PDE10A: variants seen among roughly 807,000 people sequenced by gnomAD.
PDE10A encodes phosphodiesterase 10A.
PDE10A carries 39 observed loss-of-function variants against 97.7 expected under a neutral mutation model. The ratio of observed to expected loss-of-function variants is 0.40; its 90% CI spans 0.31 to 0.52. PDE10A has a LOEUF of 0.52. Among genes scored for constraint, PDE10A ranks in the 20% least tolerant of loss-of-function variants. The pLI is 0.56. For synonymous variants in PDE10A, 371 were observed against 376.8 expected (o/e 0.98, Z 0.18); for missense variants, 731 against 1,047.8 (o/e 0.70, Z 4.17).
chr6:165,699,723 T>G (rs544738275), intron 1 of PDE10A, among the ~76,000 whole-genome samples: 312 of 152,286 alleles, frequency 2.0e-3, no homozygotes, highest in Non-Finnish European at 3.9e-3. Flanking sequence ...ATTAAACACA[T>G]TCTTAAACAA....
At chr6:165,591,520 C>T (rs549051276) in intron 1 of PDE10A, among the ~76,000 whole-genome samples, 27 of 152,224 alleles carry the variant, frequency 1.8e-4, no homozygotes, top group Non-Finnish European at 3.5e-4. Context: ...AAAAGAACCA[C>T]AGCTGTATGG....
At chr6:165,791,219 A>G (rs1289069135) in intron 1 of PDE10A, among the ~76,000 whole-genome samples, 1 of 151,828 alleles carries the variant, frequency 6.6e-6, no homozygotes, top group Admixed American at 6.6e-5. Flanking sequence ...GAAGCGTTGG[A>G]AGGGCAAGGT....
In PDE10A at chr6:165,331,460, A is replaced by C. The variant is rs2128171750; in HGVS notation, c.*1565T>G. Reference sequence around the variant, plus strand: ...CCATGTTGTAGAAGCCTCTGATTTAATTTTGCACAAACCAGGCTCATATGA... The same window carrying C: ...CCATGTTGTAGAAGCCTCTGATTTACTTTTGCACAAACCAGGCTCATATGA... On this transcript the variant is annotated 3_prime_UTR_variant, in exon 22 of 22. Transcript: ENST00000539869. The C allele has an allele frequency of 6.6e-6, 1 of 152,324 alleles. No homozygotes were observed. The highest frequency in any genetic ancestry group is 3.4e-3 in the Middle Eastern group (1 of 294). The allele number at this position is 152,324 out of a possible 1,614,324, so 9.4% of individuals were successfully genotyped here.
At chr6:165,560,961 T>C (rs1403686870) in intron 1 of PDE10A, among the ~76,000 whole-genome samples, 1 of 152,158 alleles carries the variant, frequency 6.6e-6, no homozygotes, top group Non-Finnish European at 1.5e-5. Flanking sequence ...GGCTCATACC[T>C]GTAATCCCAG....
At chr6:165,645,022 G>A (rs930116009) in intron 1 of PDE10A, among the ~76,000 whole-genome samples, 19 of 152,212 alleles carry the variant, frequency 1.2e-4, no homozygotes, top group Non-Finnish European at 1.8e-4. Context: ...AGCCTCTGGC[G>A]CTTGGTACCA....
At chr6:165,392,244 A>G (rs1583183001) in intron 16 of PDE10A, among the ~76,000 whole-genome samples, 1 of 152,324 alleles carries the variant, frequency 6.6e-6, no homozygotes, top group African/African-American at 2.4e-5. Flanking sequence ...CTTATGCTAG[A>G]GGAGGTCAAA....
At chr6:165,680,485 G>C (rs1000993528) in intron 1 of PDE10A, among the ~76,000 whole-genome samples, 1 of 152,200 alleles carries the variant, frequency 6.6e-6, no homozygotes, top group Admixed American at 6.5e-5. Flanking sequence ...ATGGAGTCTT[G>C]TTTATATAAA....
At chr6:165,784,893 C>A (rs1430225032) in intron 1 of PDE10A, among the ~76,000 whole-genome samples, 1 of 152,206 alleles carries the variant, frequency 6.6e-6, no homozygotes, top group Non-Finnish European at 1.5e-5. Context: ...GGGGCTGAGA[C>A]TTTTCAGTAC....
intron 1 of PDE10A, among the ~76,000 whole-genome samples, chr6:165,806,810 C>A (rs1027927247): frequency 1.3e-5 from 2 of 152,138 alleles, no homozygotes; most frequent in African/African-American, 4.8e-5. Context: ...ATCTGGAGAA[C>A]CAGAATCAGC....
chr6:165,856,072 A>T (rs1028766499), intron 1 of PDE10A, among the ~76,000 whole-genome samples: 1 of 152,190 alleles, frequency 6.6e-6, no homozygotes, highest in Non-Finnish European at 1.5e-5. Context: ...AGGCTGGGGC[A>T]TCGAGGAGTC....
chr6:165,824,594 A>C (rs1350717156), intron 1 of PDE10A, among the ~76,000 whole-genome samples: 1 of 152,178 alleles, frequency 6.6e-6, no homozygotes, highest in Non-Finnish European at 1.5e-5. Context: ...TCACCTTGGA[A>C]CAAAGAATGT....
Position 165,505,087 on chromosome 6 carries a change from T to C in PDE10A, c.995-22744A>G, listed in dbSNP as rs112145476. On this transcript the variant is annotated intron_variant, in intron 2 of 21. Transcript: ENST00000539869. ...TCTGGGGCCTAAAAGCTTCTCTTCG[T>C]AGCTCTGCCTAGAGATGATCCCTCG... Among the ~76,000 whole-genome samples the C allele has an allele frequency of 9.3e-3, 1,420 of 152,314 alleles. 27 individuals carry two copies. Among genetic ancestry groups the C allele is most frequent in the African/African-American group, 0.032 (1,329 of 41,564 alleles).
At chr6:165,783,751 A>G (rs9364815) in intron 1 of PDE10A, among the ~76,000 whole-genome samples, 100,289 of 152,068 alleles carry the variant, frequency 0.66, 33,204 homozygotes, top group African/African-American at 0.71. Flanking sequence ...AGGAACAAGC[A>G]ATAGAGCCCA....
intron 1 of PDE10A, among the ~76,000 whole-genome samples, chr6:165,930,114 G>A (rs1217316477): frequency 6.6e-6 from 1 of 151,086 alleles, no homozygotes; most frequent in Admixed American, 6.6e-5. Context: ...GTGGCAGCTG[G>A]GAAAAGAGTG....
chr6:165,590,657 C>G (rs914374745), intron 1 of PDE10A, among the ~76,000 whole-genome samples: 5 of 152,044 alleles, frequency 3.3e-5, no homozygotes, highest in Non-Finnish European at 5.9e-5. Flanking sequence ...TTTGCGAGGC[C>G]GAGGCGGGTG....
intron 1 of PDE10A, among the ~76,000 whole-genome samples, chr6:165,774,006 A>G (rs1189437477): frequency 1.3e-5 from 2 of 152,026 alleles, no homozygotes; most frequent in African/African-American, 4.8e-5. Context: ...AAACTTTTCA[A>G]TTTAAAAAAG....
At chr6:165,902,320 C>G (rs916853912) in intron 1 of PDE10A, among the ~76,000 whole-genome samples, 2 of 152,166 alleles carry the variant, frequency 1.3e-5, no homozygotes, top group Non-Finnish European at 2.9e-5. Context: ...TTGTGTGATG[C>G]AAAAATGAGC....
At chr6:165,746,607 T>C (rs992111852) in intron 1 of PDE10A, among the ~76,000 whole-genome samples, 1 of 152,290 alleles carries the variant, frequency 6.6e-6, no homozygotes, top group East Asian at 1.9e-4. Context: ...CCATTCATGG[T>C]CCCTGGGTGC....
In PDE10A at chr6:165,331,325, G is replaced by C. The variant is rs1207102198; in HGVS notation, c.*1700C>G. On this transcript the variant is annotated 3_prime_UTR_variant, in exon 22 of 22. Transcript: ENST00000539869. Reference sequence around the variant, plus strand: ...TGAAAATAGCAAATGGAGCTCCACGGAGGGAAGATGGCAACTTTCAGAAGC... The same window carrying C: ...TGAAAATAGCAAATGGAGCTCCACGCAGGGAAGATGGCAACTTTCAGAAGC... 6.6e-6 allele frequency: 1 copy of C among 152,112 alleles called. No individual in the cohort carries two copies. Among genetic ancestry groups the C allele is most frequent in the Non-Finnish European group, 1.5e-5 (1 of 68,020 alleles). The allele number at this position is 152,112 out of a possible 1,614,324, so 9.4% of individuals were successfully genotyped here.
Sources: gnomAD v4.1 joint callset for allele counts (sites outside exome capture counted in the v4.1 genomes callset) on GRCh38, gnomAD v4.1.1 for gene constraint, MANE v1.5 for transcripts, NCBI Gene and HGNC (gene_info 2026-07-23, HGNC 2026-07-21) for gene names.